Variants in MYOF observed in about 807,000 individuals in gnomAD.
MYOF encodes the protein fer-1-like 3, myoferlin.
MYOF carries 244 observed loss-of-function variants against 284.2 expected under a neutral mutation model. The ratio of observed to expected loss-of-function variants is 0.86; its 90% CI spans 0.77 to 0.95. The LOEUF is 0.95. Among genes scored for constraint, MYOF ranks in the 40% least tolerant of loss-of-function variants. MYOF has a pLI of 0.00. For synonymous variants in MYOF, 904 were observed against 919.7 expected, an observed-to-expected ratio of 0.98 and a Z score of 0.31; for missense variants, 2,496 against 2,560.6, an observed-to-expected ratio of 0.97 and a Z score of 0.54.
chr10:93,378,693 G>GTATATATATATATATATATATATATATA (rs66859494), intron 21 of MYOF, among the ~76,000 whole-genome samples: 12 of 87,850 alleles, frequency 1.4e-4, no homozygotes, highest in South Asian at 5.7e-4. Flanking sequence ...GTGTGTGTGT[G>GTATATATATATATATATATATATATATA]TATATATATA....
intron 26 of MYOF, 31 bp downstream of exon 26, chr10:93,366,361 A>G: frequency 6.3e-7 from 1 of 1,599,516 alleles, no homozygotes; most frequent in Non-Finnish European, 8.5e-7. Flanking sequence ...TTTCATTGCT[A>G]TCCTTTTTAC....
intron 32 of MYOF, among the ~76,000 whole-genome samples, chr10:93,352,827 GC>G (rs948781422): frequency 4.6e-5 from 7 of 152,168 alleles, no homozygotes; most frequent in Non-Finnish European, 8.8e-5. Context: ...GTGATAGAGT[GC>G]CCCCTGGTGG....
In MYOF at chr10:93,366,440, G is replaced by A; in HGVS notation, c.2705C>T (p.Pro902Leu). ...CTCTCCTTCCCATTCCCAGCCTTTT[G>A]GAGGCAGAAAAAATTCCCTCTTGAG... ...IKLKREFFLP[P>L]KGWEWEGEWI... Residue 902 changes from proline (P) to leucine (L), a missense_variant, in exon 26 of 54, where the codon CCA (proline) becomes CTA (leucine). Transcript: ENST00000359263. 1 of 1,613,892 alleles carries A rather than the reference G, an allele frequency of 6.2e-7. No homozygotes were observed. Among genetic ancestry groups the A allele is most frequent in the South Asian group, 1.1e-5 (1 of 91,040 alleles).
rs1554850011 is a variant in MYOF at position 93,378,713 on chromosome 10, A to ATG, written c.2001+1149_2001+1150insCA. ...TGTGTGTATATATATATATATATAT[A>ATG]TATGTATATATTTATCTTTTTAGAC... On this transcript the variant is annotated intron_variant, in intron 21 of 53. Transcript: ENST00000359263. 1.4e-4 allele frequency among the ~76,000 whole-genome samples: 18 copies of ATG among 124,922 alleles called. No individual in the cohort carries two copies. In the South Asian group the frequency reaches 4.1e-3, roughly 28 times the overall value. The allele number at this position is 124,922 out of a possible 152,430, so 82.0% of individuals were successfully genotyped here.
rs912040975 is a variant in MYOF, at chr10:93,481,957, G to A, written c.88+150C>T. 3 of 663,392 alleles carry A rather than the reference G, an allele frequency of 4.5e-6. No individual in the cohort carries two copies. The Admixed American group carries it at 8.9e-5, about 20-fold the overall frequency. The allele number at this position is 663,392 out of a possible 1,614,324, so 41.1% of individuals were successfully genotyped here. ...AAAATTAAATGCCTTCCCCAGAAAC[G>A]GGTCCTCTCCCCTGTCCTGCGCAGG... is the stretch of plus-strand genomic sequence containing the variant. On this transcript the variant is annotated intron_variant, in intron 1 of 53. Transcript: ENST00000359263.
chr10:93,367,834 T>C (rs1227898639), intron 25 of MYOF, among the ~76,000 whole-genome samples: 1 of 151,698 alleles, frequency 6.6e-6, no homozygotes, highest in Non-Finnish European at 1.5e-5. Flanking sequence ...GGGAATTTTG[T>C]AGAAAATTAC....
Position 93,397,405 on chromosome 10 carries a change from C to A in MYOF, c.1273G>T (p.Val425Phe). ...AGTCAAACCTTGATCTGAAGATTGA[C>A]GACCTGATTCCACTCTGGGTTTGCA... is the stretch of plus-strand genomic sequence containing the variant. ...KNANPEWNQV[V>F]NLQIKFPSVC... The change falls in exon 14 of 54, where the codon GTC becomes TTC. Residue 425 changes from valine (V) to phenylalanine (F), a missense_variant. Coordinates refer to ENST00000359263, the MANE Select transcript of MYOF (RefSeq NM_013451.4). 2 of 1,611,606 alleles carry A rather than the reference C, an allele frequency of 1.2e-6. No homozygotes were observed. The highest frequency in any genetic ancestry group is 1.7e-6 in the Non-Finnish European group (2 of 1,179,366).
Position 93,313,099 on chromosome 10 carries a change from G to A in MYOF, c.5810C>T (p.Thr1937Ile), listed in dbSNP as rs1295614278. The change falls in exon 51 of 54, where the codon ACA (threonine) becomes ATA (isoleucine). Residue 1937 changes from threonine to isoleucine, a missense_variant. Physicochemically the swap from Thr to Ile is moderately conservative, Grantham distance 89 (BLOSUM62 -1). This residue lies in a region of MYOF where 2,436 missense variants were observed against 2,480.7 expected (regional missense o/e 0.98). Transcript: ENST00000359263. ...LKAMNPLKAK[T>I]ASLFEQKSMK... is the part of the protein sequence containing the mutation. ...GGACTTCTGCTCAAAGAGGGAGGCTGTCTTGGCTTTAAGGGGGTTCATGGC... is the reference window on the plus strand; with the variant it reads ...GGACTTCTGCTCAAAGAGGGAGGCTATCTTGGCTTTAAGGGGGTTCATGGC... The A allele has an allele frequency of 1.9e-6, 3 of 1,614,034 alleles. No individual in the cohort carries two copies. The highest frequency in any genetic ancestry group is 2.5e-6 in the Non-Finnish European group (3 of 1,179,998).
chr10:93,431,986 G>C (rs139708458), intron 3 of MYOF, among the ~76,000 whole-genome samples: 175 of 152,124 alleles, frequency 1.2e-3, no homozygotes, highest in African/African-American at 4.0e-3. Context: ...GACCTCAGGT[G>C]ATCTGCCCAC....
chr10:93,363,559 G>T (rs1048931151), intron 27 of MYOF, among the ~76,000 whole-genome samples: 1 of 152,196 alleles, frequency 6.6e-6, no homozygotes, highest in Non-Finnish European at 1.5e-5. Context: ...CCAGCTACTG[G>T]GGAGGCTGAG....
intron 53 of MYOF, among the ~76,000 whole-genome samples, chr10:93,309,762 T>G (rs1400949417): frequency 6.6e-6 from 1 of 152,014 alleles, no homozygotes; most frequent in Non-Finnish European, 1.5e-5. Flanking sequence ...GAGACCTGAG[T>G]GATTTCTCCT....
intron 13 of MYOF, among the ~76,000 whole-genome samples, chr10:93,398,873 G>A (rs1013364012): frequency 6.6e-6 from 1 of 152,094 alleles, no homozygotes; most frequent in South Asian, 2.1e-4. Flanking sequence ...GACCATCTCT[G>A]TAGGTAAAAG....
intron 3 of MYOF, among the ~76,000 whole-genome samples, chr10:93,431,737 C>A (rs912172054): frequency 3.5e-5 from 5 of 142,884 alleles, no homozygotes; most frequent in Non-Finnish European, 7.6e-5. Context: ...TATGAAATTT[C>A]TTTCTTTTCT....
intron 30 of MYOF, 48 bp from the exon 31 acceptor site, chr10:93,355,784 G>A (rs751745822): frequency 7.1e-7 from 1 of 1,416,486 alleles, no homozygotes; most frequent in Non-Finnish European, 9.9e-7. Context: ...AATAAACACT[G>A]CCTAAAAGCA....
intron 5 of MYOF, among the ~76,000 whole-genome samples, chr10:93,418,606 C>T (rs1274059085): frequency 6.6e-6 from 1 of 152,202 alleles, no homozygotes; most frequent in East Asian, 1.9e-4. Context: ...AGATCTATGT[C>T]TCCCTCTGGA....
chr10:93,366,379 A>G lies in MYOF; in HGVS notation c.2753+13T>C. ...CATTGCTATCCTTTTTACTCAGAAA[A>G]TGGACAACTTACCTTCTTTCAGGAT... On this transcript the variant is annotated intron_variant, in intron 26 of 53. Coordinates refer to ENST00000359263, the MANE Select transcript of MYOF (RefSeq NM_013451.4). 6.2e-7 allele frequency: 1 copy of G among 1,608,106 alleles called. No individual in the cohort carries two copies.
At chr10:93,319,435 C>T (rs763843324) in intron 49 of MYOF, among the ~76,000 whole-genome samples, 43 of 152,102 alleles carry the variant, frequency 2.8e-4, no homozygotes, top group Non-Finnish European at 4.9e-4. Flanking sequence ...GGGCCCTGAG[C>T]CCTCATGGCA....
At chr10:93,337,766 G>C in intron 40 of MYOF, 49 bp downstream of exon 40, 1 of 1,521,586 alleles carries the variant, frequency 6.6e-7, no homozygotes. Flanking sequence ...CCTGTGGCCA[G>C]TTTCAAAGGA....
chr10:93,325,924 C>G lies in MYOF; in HGVS notation c.5173G>C (p.Glu1725Gln). The G allele has an allele frequency of 6.2e-7, 1 of 1,614,070 alleles. No homozygotes were observed. Among genetic ancestry groups the G allele is most frequent in the Non-Finnish European group, 8.5e-7 (1 of 1,180,010 alleles). ...ILHQHLGAPE[E>Q]RLALHILRTQ... ...CTGAGGATGTGAAGAGCAAGCCGCTCTTCAGGGGCCCCGAGGTGCTGGTGC... is the reference window on the plus strand; with the variant it reads ...CTGAGGATGTGAAGAGCAAGCCGCTGTTCAGGGGCCCCGAGGTGCTGGTGC... The change falls in exon 46 of 54, where the codon GAG (glutamate) becomes CAG (glutamine). Residue 1725 changes from glutamate to glutamine, a missense_variant. Glu to Gln is a conservative substitution (Grantham distance 29). This residue lies in a region of MYOF where 2,436 missense variants were observed against 2,480.7 expected (regional missense o/e 0.98). Coordinates refer to ENST00000359263, the MANE Select transcript of MYOF (RefSeq NM_013451.4).
Sources: allele counts gnomAD v4.1 joint callset (sites outside exome capture counted in the v4.1 genomes callset), GRCh38; gene constraint gnomAD v4.1.1; regional missense constraint gnomAD v4.1.1; transcripts MANE v1.5; gene names NCBI Gene and HGNC (gene_info 2026-07-23, HGNC 2026-07-21).